Variants in HMCN2 observed in about 807,000 individuals in gnomAD.
HMCN2 encodes hemicentin-2.
Under a neutral mutation model 377.5 loss-of-function variants are expected in HMCN2, and 325 were observed. The ratio of observed to expected loss-of-function variants is 0.86; its 90% CI spans 0.79 to 0.94. The LOEUF is 0.94. Ranked by LOEUF, HMCN2 falls within the 40% of genes least tolerant of loss-of-function variation. HMCN2 has a pLI of 0.00. For synonymous variants in HMCN2, 2,007 were observed against 2,046.8 expected (o/e 0.98, Z 0.53); for missense variants, 4,543 against 4,725.3 (o/e 0.96, Z 1.13).
Position 130,427,365 on chromosome 9 carries a change from G to A in HMCN2, c.13932G>A (p.Ala4644=), listed in dbSNP as rs748690966. 13 of 1,550,420 alleles carry A rather than the reference G, an allele frequency of 8.4e-6. No homozygotes were observed. The highest frequency in any genetic ancestry group is 6.8e-5 in the African/African-American group (5 of 73,056). The change falls in exon 91 of 98, where the codon GCG becomes GCA. Residue 4644 remains alanine (A), a synonymous_variant. Coordinates refer to ENST00000683500, the MANE Select transcript of HMCN2 (RefSeq NM_001291815.2). ...GCTTTGAGCTGGACTCCCAGGGAGC[G>A]TTTTGTGTGGGTGAGCGCCCCCAAC... ...PEGFELDSQG[A]FCVDRDECSG...
At chr9:130,381,123 G>A (rs974217437) in intron 54 of HMCN2, among the ~76,000 whole-genome samples, 3 of 152,154 alleles carry the variant, frequency 2.0e-5, no homozygotes, top group Admixed American at 6.5e-5. Flanking sequence ...GAAAATAGGC[G>A]TCATGGTCAC....
chr9:130,396,079 G>GGGCCCCCC lies in HMCN2; in HGVS notation c.11053+14_11053+15insGGCCCCCC. On this transcript the variant is annotated intron_variant, in intron 72 of 97. Transcript: ENST00000683500. ...TGGAGATCCACAGTGAGTAGGGCCCGCCCCACCCCACCCTGCCCACCTTAC... is the reference window on the plus strand; with the variant it reads ...TGGAGATCCACAGTGAGTAGGGCCCGGGCCCCCCCCCCACCCCACCCTGCCCACCTTAC... 2.1e-6 allele frequency: 1 copy of GGGCCCCCC among 482,648 alleles called. No homozygotes were observed. The highest frequency in any genetic ancestry group is 2.7e-6 in the Non-Finnish European group (1 of 375,434). 29.9% of individuals were successfully genotyped at this position (482,648 alleles called of 1,614,324 possible).
At chr9:130,331,006 CAA>C (rs1838396143) in intron 22 of HMCN2, among the ~76,000 whole-genome samples, 1 of 150,556 alleles carries the variant, frequency 6.6e-6, no homozygotes, top group African/African-American at 2.5e-5. Context: ...CACACACACA[CAA>C]ATAGCCGGAC....
At chr9:130,330,938 G>A (rs1388207952) in intron 22 of HMCN2, among the ~76,000 whole-genome samples, 1 of 148,472 alleles carries the variant, frequency 6.7e-6, no homozygotes, top group Non-Finnish European at 1.5e-5. Context: ...GATCATCCTG[G>A]CCAACATGGT....
chr9:130,398,706 C>T lies in HMCN2; in HGVS notation c.11482C>T (p.Arg3828Trp), dbSNP rs1458865942. 6.2e-6 allele frequency: 8 copies of T among 1,288,976 alleles called. No individual in the cohort carries two copies. The highest frequency in any genetic ancestry group is 1.2e-5 in the South Asian group (1 of 80,902). The allele number at this position is 1,288,976 out of a possible 1,614,324, so 79.8% of individuals were successfully genotyped here. ...CTTCCGCCTGCAGCAGGGCGCCTAC[C>T]GGTAACGAGCTGGACTTTGCGGTGG... ...LDFRLQQGAY[R>W]LLPSNALLLT... Residue 3828 changes from arginine to tryptophan, a missense_variant and splice_region_variant, in exon 75 of 98, where the codon CGG becomes TGG. By Grantham distance (101) the Arg-to-Trp change is moderately radical (BLOSUM62 -3). Around this residue, in one of 5 missense-constraint regions of HMCN2, gnomAD observed 1,073 missense variants for 1,319.5 expected, o/e 0.81. Coordinates refer to ENST00000683500, the MANE Select transcript of HMCN2 (RefSeq NM_001291815.2).
Position 130,379,306 on chromosome 9 carries a change from G to C in HMCN2, c.8270G>C (p.Arg2757Pro), listed in dbSNP as rs562337406. 2 of 985,600 alleles carry C rather than the reference G, an allele frequency of 2.0e-6. No homozygotes were observed. The highest frequency in any genetic ancestry group is 2.4e-6 in the Non-Finnish European group (2 of 829,936). The allele number at this position is 985,600 out of a possible 1,614,324, so 61.1% of individuals were successfully genotyped here. Residue 2757 changes from arginine (R) to proline (P), a missense_variant, in exon 54 of 98, where the codon CGG becomes CCG. Transcript: ENST00000683500. ...DFSAAFEILS[R>P]EEEARGGVTE... ...AGTGCAGCCTTCGAGATCCTGTCCC[G>C]GGAGGAGGAGGCCCGGGGCGGAGTC... is the stretch of plus-strand genomic sequence containing the variant.
chr9:130,348,291 C>G (rs376694585), intron 26 of HMCN2, among the ~76,000 whole-genome samples: 12 of 152,306 alleles, frequency 7.9e-5, no homozygotes, highest in African/African-American at 2.9e-4. Flanking sequence ...TAAGGGGACT[C>G]CAGCACCTTG....
chr9:130,392,708 T>A (rs1467612609), intron 66 of HMCN2, among the ~76,000 whole-genome samples: 2 of 151,154 alleles, frequency 1.3e-5, no homozygotes, highest in African/African-American at 4.9e-5. Flanking sequence ...AGGTAAAGAG[T>A]TTAAGCAGGC....
chr9:130,334,609 A>G (rs1838616696), intron 22 of HMCN2, among the ~76,000 whole-genome samples: 1 of 139,078 alleles, frequency 7.2e-6, no homozygotes, highest in Admixed American at 7.8e-5. Flanking sequence ...GGTTTGGTGA[A>G]GAGGGGAGTA....
intron 81 of HMCN2, 138 bp downstream of exon 81, chr9:130,405,197 C>A: frequency 1.9e-6 from 1 of 532,176 alleles, no homozygotes; most frequent in Non-Finnish European, 2.7e-6. Context: ...TACAGACAGC[C>A]AGAACTGAGG....
rs929346442 is a variant in HMCN2 at position 130,379,418 on chromosome 9, C to T, written c.8382C>T (p.Tyr2794=). Residue 2794 remains tyrosine, a synonymous_variant, in exon 54 of 98, where the codon TAC becomes TAT. Coordinates refer to ENST00000683500, the MANE Select transcript of HMCN2 (RefSeq NM_001291815.2). ...TCCCACCCCCGGACCTCACCTGGTA[C>T]AGAGAGGATCAGCCCCTCTCGGCCG... ...NAIPPPDLTW[Y]REDQPLSAGD... 1 of 985,900 alleles carries T rather than the reference C, an allele frequency of 1.0e-6. No homozygotes were observed. The highest frequency in any genetic ancestry group is 1.2e-6 in the Non-Finnish European group (1 of 829,960). 61.1% of individuals were successfully genotyped at this position (985,900 alleles called of 1,614,324 possible).
intron 1 of HMCN2, among the ~76,000 whole-genome samples, chr9:130,276,865 C>G (rs908341744): frequency 6.6e-6 from 1 of 152,138 alleles, no homozygotes; most frequent in African/African-American, 2.4e-5. Flanking sequence ...TGGCTGAGTG[C>G]GGGACCTACC....
At chr9:130,377,925 C>A in intron 53 of HMCN2, 126 bp downstream of exon 53, 1 of 710,518 alleles carries the variant, frequency 1.4e-6, no homozygotes, top group Non-Finnish European at 1.7e-6. Context: ...CTCCCACTGG[C>A]TCATCTCAGC....
At chr9:130,359,027 A>G (rs907297763) in intron 36 of HMCN2, among the ~76,000 whole-genome samples, 3 of 151,920 alleles carry the variant, frequency 2.0e-5, no homozygotes, top group African/African-American at 7.3e-5. Flanking sequence ...TTGGGGGTTT[A>G]TTTGCAGGGA....
intron 11 of HMCN2, 127 bp downstream of exon 11, chr9:130,305,129 T>C: frequency 2.7e-6 from 1 of 370,828 alleles, no homozygotes; most frequent in South Asian, 2.0e-5. Flanking sequence ...CTTTTCAGTG[T>C]TTTTTGAACT....
chr9:130,386,091 C>T (rs961183068), intron 60 of HMCN2, among the ~76,000 whole-genome samples: 5 of 152,166 alleles, frequency 3.3e-5, no homozygotes, highest in Non-Finnish European at 7.4e-5. Flanking sequence ...TCCCTCCTTC[C>T]GTGGAGTGGA....
intron 54 of HMCN2, 60 bp downstream of exon 54, chr9:130,379,527 G>A (rs1368946134): frequency 2.5e-6 from 2 of 796,352 alleles, no homozygotes; most frequent in East Asian, 1.3e-4. Flanking sequence ...GCTGCCTGCT[G>A]TGTGACCTTA....
chr9:130,297,978 G>A (rs1172551536), intron 7 of HMCN2, among the ~76,000 whole-genome samples: 2 of 151,828 alleles, frequency 1.3e-5, no homozygotes, highest in Non-Finnish European at 2.9e-5. Context: ...TTTTTGAGAT[G>A]GAGTCTCACT....
chr9:130,395,336 A>T lies in HMCN2; in HGVS notation c.10900A>T (p.Ile3634Phe). The change falls in exon 71 of 98, where the codon ATT becomes TTT. Residue 3634 changes from isoleucine to phenylalanine, a missense_variant. Physicochemically the swap from Ile to Phe is conservative, Grantham distance 21. Transcript: ENST00000683500. ...APKITWHRDG[I>F]VLQEDAHTQF... ...CAAGATCACGTGGCACCGAGACGGC[A>T]TTGTGCTGCAGGTGGGCGCCAGGCA... 1 of 1,288,402 alleles carries T rather than the reference A, an allele frequency of 7.8e-7. No homozygotes were observed. The highest frequency in any genetic ancestry group is 1.0e-6 in the Non-Finnish European group (1 of 988,214). The allele number at this position is 1,288,402 out of a possible 1,614,324, so 79.8% of individuals were successfully genotyped here.
Sources: allele counts gnomAD v4.1 joint callset (sites outside exome capture counted in the v4.1 genomes callset), GRCh38; gene constraint gnomAD v4.1.1; regional missense constraint gnomAD v4.1.1; transcripts MANE v1.5; gene names NCBI Gene and HGNC (gene_info 2026-07-23, HGNC 2026-07-21).